Variants in PCDH9 observed in about 807,000 individuals in gnomAD.
PCDH9 encodes protocadherin-9.
A neutral mutation model predicts 70.6 loss-of-function variants in PCDH9; 24 were observed. That is an observed-to-expected ratio of 0.34 (90% confidence interval 0.25 to 0.48). The LOEUF (loss-of-function observed/expected upper bound fraction) is 0.48, where lower values mean the gene tolerates loss of function less well. PCDH9 is among the 20% of genes least tolerant of loss of function. The pLI, the probability that PCDH9 is intolerant of heterozygous loss-of-function variation, is 0.99. For missense variants in PCDH9, 1,281 were observed against 1,503.6 expected, an observed-to-expected ratio of 0.85 and a Z score of 2.45; for synonymous variants, 562 against 558.5, an observed-to-expected ratio of 1.01 and a Z score of -0.09.
chr13:66,840,500 G>T (rs1029715463), intron 3 of PCDH9, among the ~76,000 whole-genome samples: 1 of 152,086 alleles, frequency 6.6e-6, no homozygotes, highest in Admixed American at 6.6e-5. Context: ...TTTATTTAAC[G>T]TATCTATCTT....
chr13:66,617,818 C>T (rs1441190120), intron 4 of PCDH9, among the ~76,000 whole-genome samples: 2 of 152,194 alleles, frequency 1.3e-5, no homozygotes, highest in African/African-American at 4.8e-5. Flanking sequence ...GCCCCATCTG[C>T]CGGGAACCCT....
intron 2 of PCDH9, among the ~76,000 whole-genome samples, chr13:66,924,270 C>A (rs2082682206): frequency 6.6e-6 from 1 of 151,746 alleles, no homozygotes; most frequent in Non-Finnish European, 1.5e-5. Context: ...AGATAAAGCT[C>A]AGGATTAATT....
intron 2 of PCDH9, among the ~76,000 whole-genome samples, chr13:67,189,757 G>A (rs1471891919): frequency 1.3e-5 from 2 of 151,960 alleles, no homozygotes; most frequent in East Asian, 3.9e-4. Flanking sequence ...AGTGGATGAA[G>A]GAGAAAGCCA....
At chr13:66,391,891 T>TATAC (rs1022732910) in intron 4 of PCDH9, among the ~76,000 whole-genome samples, 9 of 143,628 alleles carry the variant, frequency 6.3e-5, no homozygotes, top group African/African-American at 2.0e-4. Flanking sequence ...TGCATATATA[T>TATAC]ATATATATAT....
chr13:66,593,819 G>A (rs892825875), intron 4 of PCDH9, among the ~76,000 whole-genome samples: 6 of 151,616 alleles, frequency 4.0e-5, no homozygotes, highest in Non-Finnish European at 8.9e-5. Context: ...GTAATTTGTT[G>A]TACTTTGTTA....
intron 4 of PCDH9, among the ~76,000 whole-genome samples, chr13:66,556,111 C>T (rs118120932): frequency 4.2e-4 from 64 of 151,282 alleles, no homozygotes; most frequent in Non-Finnish European, 7.2e-4. Context: ...ATTGATTATC[C>T]TCTTCATTAT....
intron 2 of PCDH9, among the ~76,000 whole-genome samples, chr13:67,194,866 AC>A: frequency 6.6e-6 from 1 of 152,318 alleles, no homozygotes; most frequent in African/African-American, 2.4e-5. Context: ...ACAAAATAAA[AC>A]AAAAATGTTT....
chr13:66,636,438 C>T (rs1419971823), intron 3 of PCDH9, among the ~76,000 whole-genome samples: 1 of 152,004 alleles, frequency 6.6e-6, no homozygotes, highest in Non-Finnish European at 1.5e-5. Context: ...AAGATCCTTG[C>T]CTTCTCAAGT....
chr13:66,562,932 A>T (rs2076597572), intron 4 of PCDH9, among the ~76,000 whole-genome samples: 1 of 152,120 alleles, frequency 6.6e-6, no homozygotes, highest in African/African-American at 2.4e-5. Context: ...TCTGAAGTTA[A>T]TGTGCTGCAC....
At chr13:66,499,735 T>C (rs1231063279) in intron 4 of PCDH9, among the ~76,000 whole-genome samples, 2 of 152,226 alleles carry the variant, frequency 1.3e-5, no homozygotes, top group Non-Finnish European at 2.9e-5. Flanking sequence ...CAAAATCTCA[T>C]GTTAATGTAA....
intron 4 of PCDH9, among the ~76,000 whole-genome samples, chr13:66,539,458 C>A (rs967272887): frequency 6.6e-6 from 1 of 151,966 alleles, no homozygotes; most frequent in Non-Finnish European, 1.5e-5. Context: ...AGGGCCTTTC[C>A]CCCTTTTGCT....
intron 3 of PCDH9, among the ~76,000 whole-genome samples, chr13:66,789,865 A>G (rs1039875339): frequency 6.6e-6 from 1 of 152,158 alleles, no homozygotes; most frequent in African/African-American, 2.4e-5. Flanking sequence ...TTGGTGTCTA[A>G]CAAATAAGTG....
In PCDH9 at chr13:66,936,016, C is replaced by T. The variant is rs936485077; in HGVS notation, c.3037-32411G>A. On this transcript the variant is annotated intron_variant, in intron 2 of 4. Coordinates refer to ENST00000377865, the MANE Select transcript of PCDH9 (RefSeq NM_203487.3). ...AGGAGGATCGTTGGAATCCAGGGGG[C>T]AGAGGTTCCAGTGAGCTGAGATCGC... 3.3e-5 allele frequency among the ~76,000 whole-genome samples: 5 copies of T among 152,210 alleles called. 1 individual carries two copies. Among genetic ancestry groups the T allele is most frequent in the African/African-American group, 1.2e-4 (5 of 41,530 alleles).
At chr13:66,324,964 C>T (rs949897551) in intron 4 of PCDH9, among the ~76,000 whole-genome samples, 1 of 151,756 alleles carries the variant, frequency 6.6e-6, no homozygotes, top group Non-Finnish European at 1.5e-5. Flanking sequence ...TTGTGGGATA[C>T]TAGATGTCAG....
intron 2 of PCDH9, among the ~76,000 whole-genome samples, chr13:67,147,109 G>C (rs1047398646): frequency 6.6e-6 from 1 of 152,122 alleles, no homozygotes; most frequent in Non-Finnish European, 1.5e-5. Flanking sequence ...GTAGCCTACA[G>C]CATTTTTTTA....
intron 2 of PCDH9, among the ~76,000 whole-genome samples, chr13:67,063,530 C>CAAA (rs5804308): frequency 2.0e-5 from 3 of 147,932 alleles, no homozygotes; most frequent in Non-Finnish European, 1.5e-5. Flanking sequence ...CTTTCCAAGG[C>CAAA]AAAAAAAAAA....
Position 66,367,092 on chromosome 13 carries a change from T to A in PCDH9, c.3341-62064A>T, listed in dbSNP as rs901203592. Among the ~76,000 whole-genome samples, 6 of 152,174 alleles carry A rather than the reference T, an allele frequency of 3.9e-5. No individual in the cohort carries two copies. The South Asian group carries it at 1.2e-3, about 31-fold the overall frequency. On this transcript the variant is annotated intron_variant, in intron 4 of 4. Coordinates refer to ENST00000377865, the MANE Select transcript of PCDH9 (RefSeq NM_203487.3). The stretch of plus-strand genomic sequence containing the variant: ...AACATTAATTTTTAAATTTATTTAA[T>A]TTATTTGTACATTTACTTTTTTCAA...
chr13:67,096,973 G>A (rs912956144), intron 2 of PCDH9, among the ~76,000 whole-genome samples: 7 of 152,024 alleles, frequency 4.6e-5, no homozygotes, highest in African/African-American at 1.7e-4. Context: ...TTAAGGCCGG[G>A]CACAGTGGCT....
intron 2 of PCDH9, among the ~76,000 whole-genome samples, chr13:67,196,266 G>A (rs1043132610): frequency 6.6e-6 from 1 of 152,048 alleles, no homozygotes; most frequent in Non-Finnish European, 1.5e-5. Context: ...GCGCTAATAG[G>A]GATATGAATT....
Sources: allele counts gnomAD v4.1 joint callset (sites outside exome capture counted in the v4.1 genomes callset), GRCh38; gene constraint gnomAD v4.1.1; transcripts MANE v1.5; gene names NCBI Gene and HGNC (gene_info 2026-07-23, HGNC 2026-07-21).